ANKRD11: variants seen among roughly 807,000 people sequenced by gnomAD.
ANKRD11 encodes the protein ankyrin repeat domain-containing protein 11.
ANKRD11 carries 17 observed loss-of-function variants against 195.7 expected under a neutral mutation model. The observed-to-expected ratio is 0.09, with a 90% CI of 0.06 to 0.13. ANKRD11 has a LOEUF of 0.13. Ranked by LOEUF, ANKRD11 falls within the 10% of genes least tolerant of loss-of-function variation. The pLI, the probability that ANKRD11 is intolerant of heterozygous loss-of-function variation, is 1.00. For missense variants in ANKRD11, 3,735 were observed against 3,566.1 expected, an observed-to-expected ratio of 1.05 and a Z score of -1.21; for synonymous variants, 1,953 against 1,528.1, an observed-to-expected ratio of 1.28 and a Z score of -6.49.
At chr16:89,302,814 A>T (rs2035938337) in intron 4 of ANKRD11, among the ~76,000 whole-genome samples, 1 of 152,112 alleles carries the variant, frequency 6.6e-6, no homozygotes, top group Admixed American at 6.5e-5. Flanking sequence ...AGGGATTCTC[A>T]CCTACCCTGT....
At chr16:89,370,934 G>A (rs1192876520) in intron 2 of ANKRD11, among the ~76,000 whole-genome samples, 1 of 152,040 alleles carries the variant, frequency 6.6e-6, no homozygotes, top group Non-Finnish European at 1.5e-5. Context: ...GCCACGAGAC[G>A]CCCAAGAACC....
chr16:89,268,731 C>T, intron 12 of ANKRD11, 68 bp from the exon 13 acceptor site: 3 of 1,525,480 alleles, frequency 2.0e-6, no homozygotes, highest in Non-Finnish European at 1.8e-6. Flanking sequence ...CTGCCGACCT[C>T]AGCTGCCAGC....
At chr16:89,471,170 A>T (rs140582136) in intron 1 of ANKRD11, among the ~76,000 whole-genome samples, 137 of 152,048 alleles carry the variant, frequency 9.0e-4, no homozygotes, top group South Asian at 1.9e-3. Context: ...CTGACAGCAG[A>T]GTGAGACCCC....
intron 1 of ANKRD11, among the ~76,000 whole-genome samples, chr16:89,425,524 C>T (rs571313272): frequency 6.6e-6 from 1 of 152,318 alleles, no homozygotes; most frequent in South Asian, 2.1e-4. Context: ...GCCAGGAGCC[C>T]CACAATCCCA....
At chr16:89,391,079 T>C (rs1006321665) in intron 2 of ANKRD11, among the ~76,000 whole-genome samples, 7 of 151,842 alleles carry the variant, frequency 4.6e-5, no homozygotes, top group Admixed American at 2.6e-4. Flanking sequence ...ATACAAAAAA[T>C]TAGCCGGGCG....
intron 1 of ANKRD11, among the ~76,000 whole-genome samples, chr16:89,469,552 C>T (rs766750811): frequency 4.0e-5 from 6 of 149,508 alleles, no homozygotes; most frequent in Non-Finnish European, 7.6e-5. Flanking sequence ...TTTTGAACAC[C>T]GTACTGGAGA....
chr16:89,348,248 A>T (rs1392392926), intron 2 of ANKRD11, among the ~76,000 whole-genome samples: 2 of 152,142 alleles, frequency 1.3e-5, no homozygotes, highest in Admixed American at 6.5e-5. Context: ...ACCATTTTTT[A>T]AAAAAATCTT....
chr16:89,485,153 C>T (rs575483031), intron 1 of ANKRD11, among the ~76,000 whole-genome samples: 1 of 152,126 alleles, frequency 6.6e-6, no homozygotes, highest in South Asian at 2.1e-4. Flanking sequence ...CACTGAAAAC[C>T]CTCTTAACCC....
At chr16:89,424,651 C>T (rs565002312) in intron 1 of ANKRD11, among the ~76,000 whole-genome samples, 2 of 152,154 alleles carry the variant, frequency 1.3e-5, no homozygotes, top group African/African-American at 2.4e-5. Flanking sequence ...TACATTTCTA[C>T]GACTCCATTT....
intron 2 of ANKRD11, among the ~76,000 whole-genome samples, chr16:89,367,786 T>A (rs528226249): frequency 6.6e-6 from 1 of 152,208 alleles, no homozygotes; most frequent in East Asian, 1.9e-4. Flanking sequence ...TCTTGCAAAC[T>A]ATGACTTGTT....
At chr16:89,477,018 C>A (rs181398735) in intron 1 of ANKRD11, among the ~76,000 whole-genome samples, 2 of 152,202 alleles carry the variant, frequency 1.3e-5, no homozygotes, top group Non-Finnish European at 1.5e-5. Flanking sequence ...GAAGACCACA[C>A]CGTGAGCATC....
chr16:89,416,876 G>A (rs1423923183), intron 2 of ANKRD11, among the ~76,000 whole-genome samples: 3 of 152,128 alleles, frequency 2.0e-5, no homozygotes, highest in African/African-American at 7.2e-5. Context: ...AGACCCTGGG[G>A]TGTGGGGTGC....
At chr16:89,474,556 C>A (rs537688396) in intron 1 of ANKRD11, among the ~76,000 whole-genome samples, 1 of 152,050 alleles carries the variant, frequency 6.6e-6, no homozygotes, top group African/African-American at 2.4e-5. Context: ...CTTCCATGCA[C>A]AAATAATGAC....
chr16:89,428,508 G>C (rs112389898), intron 1 of ANKRD11, among the ~76,000 whole-genome samples: 1 of 151,252 alleles, frequency 6.6e-6, no homozygotes, highest in African/African-American at 2.4e-5. Context: ...CTGGGTGACA[G>C]AGCGAGACTA....
intron 1 of ANKRD11, among the ~76,000 whole-genome samples, chr16:89,421,765 A>C (rs2042518943): frequency 7.2e-6 from 1 of 138,018 alleles, no homozygotes; most frequent in African/African-American, 2.8e-5. Flanking sequence ...CAGGGATGGG[A>C]CCATCACCCG....
chr16:89,363,235 A>C (rs1335375912), intron 2 of ANKRD11, among the ~76,000 whole-genome samples: 1 of 152,188 alleles, frequency 6.6e-6, no homozygotes, highest in Admixed American at 6.5e-5. Context: ...TTTTCATTTA[A>C]AATTTTTTCC....
chr16:89,332,971 C>T lies in ANKRD11; in HGVS notation c.-59-15893G>A, dbSNP rs115552488. ...GCAACAGAACAGCGGGGCTGCTCCA[C>T]GCTTCTCAGCCATTTTCCCATCCTG... On this transcript the variant is annotated intron_variant, in intron 2 of 12. Coordinates refer to ENST00000301030, the MANE Select transcript of ANKRD11 (RefSeq NM_013275.6). Among the ~76,000 whole-genome samples the T allele has an allele frequency of 3.9e-3, 594 of 152,350 alleles. 2 individuals are homozygous for T. The highest frequency in any genetic ancestry group is 0.014 in the African/African-American group (572 of 41,568).
intron 2 of ANKRD11, among the ~76,000 whole-genome samples, chr16:89,388,813 C>A (rs900898040): frequency 5.9e-5 from 9 of 152,194 alleles, no homozygotes; most frequent in Admixed American, 1.3e-4. Flanking sequence ...CTGGAAGGCA[C>A]TGCCACAGCC....
chr16:89,366,544 C>G (rs1361895399), intron 2 of ANKRD11, among the ~76,000 whole-genome samples: 3 of 152,176 alleles, frequency 2.0e-5, no homozygotes, highest in African/African-American at 7.2e-5. Flanking sequence ...GATGGTGTCT[C>G]GCTGTGAGAA....
Sources: gnomAD v4.1 joint callset for allele counts (sites outside exome capture counted in the v4.1 genomes callset) on GRCh38, gnomAD v4.1.1 for gene constraint, MANE v1.5 for transcripts, NCBI Gene and HGNC (gene_info 2026-07-23, HGNC 2026-07-21) for gene names.